Variants in EFR3B observed in about 807,000 individuals in gnomAD.
EFR3B encodes protein EFR3 homolog B.
Under a neutral mutation model 104.7 loss-of-function variants are expected in EFR3B, and 64 were observed. The observed-to-expected ratio is 0.61, with a 90% CI of 0.50 to 0.75. The LOEUF (loss-of-function observed/expected upper bound fraction) is 0.75. Ranked by LOEUF, EFR3B falls within the 30% of genes least tolerant of loss-of-function variation. The probability of loss-of-function intolerance (pLI) is 0.00; values close to 1 mark genes in which losing one functional copy is unlikely to be tolerated. For missense variants in EFR3B, 750 were observed against 1,078.5 expected, an observed-to-expected ratio of 0.70 and a Z score of 4.27; for synonymous variants, 385 against 417.9, an observed-to-expected ratio of 0.92 and a Z score of 0.96.
intron 1 of EFR3B, among the ~76,000 whole-genome samples, chr2:25,053,041 C>T (rs1367141583): frequency 6.6e-6 from 1 of 152,184 alleles, no homozygotes; most frequent in East Asian, 1.9e-4. Flanking sequence ...ACTCAGCCTC[C>T]TATCACACTG....
Position 25,042,721 on chromosome 2 carries a change from C to T in EFR3B, c.7+402C>T. The T allele has an allele frequency of 1.0e-6, 1 of 992,650 alleles. No homozygotes were observed. The highest frequency in any genetic ancestry group is 5.1e-4 in the Middle Eastern group (1 of 1,978). 61.5% of individuals were successfully genotyped at this position (992,650 alleles called of 1,614,324 possible). Reference sequence around the variant, plus strand: ...CCGGTCCAGGGCTGAGGGAGACGCCCGCGGCCGGTCGTCTGCGCGGCTCGG... The same window carrying T: ...CCGGTCCAGGGCTGAGGGAGACGCCTGCGGCCGGTCGTCTGCGCGGCTCGG... On this transcript the variant is annotated intron_variant, in intron 1 of 22. Transcript: ENST00000403714. This position sits in a 1 kb window ranked among gnomAD's most constrained non-coding sequence, Gnocchi z 5.4.
intron 2 of EFR3B, among the ~76,000 whole-genome samples, chr2:25,092,190 T>C (rs568881450): frequency 6.6e-6 from 1 of 151,744 alleles, no homozygotes; most frequent in South Asian, 2.1e-4. Context: ...TGCCTCAGCC[T>C]CCTGAGTAGC....
rs1670547142 is a variant in EFR3B, at chr2:25,137,420, A to G, written c.1640A>G (p.Tyr547Cys). The G allele has an allele frequency of 3.2e-6, 5 of 1,551,666 alleles. No homozygotes were observed. Among genetic ancestry groups the G allele is most frequent in the African/African-American group, 1.4e-5 (1 of 73,034 alleles). ...TNVQKHYEALYGLLALISIEL... is the reference protein window; with the variant it reads ...TNVQKHYEALCGLLALISIEL... ...GTGCAGAAACACTACGAGGCGCTCT[A>G]TGGCTTGCTGGCCCTCATCAGCATC... The change falls in exon 15 of 23, where the codon TAT (tyrosine) becomes TGT (cysteine). Residue 547 changes from tyrosine to cysteine, a missense_variant. Tyr to Cys is a radical substitution (Grantham distance 194). Transcript: ENST00000403714. The surrounding 1 kb of genome is among the most constrained non-coding windows in gnomAD (Gnocchi z 4.7).
intron 5 of EFR3B, among the ~76,000 whole-genome samples, chr2:25,127,861 C>A (rs920214825): frequency 3.9e-5 from 6 of 152,226 alleles, no homozygotes; most frequent in Non-Finnish European, 8.8e-5. Flanking sequence ...TGAGCTCTTA[C>A]ATCTTGGGCC....
intron 1 of EFR3B, among the ~76,000 whole-genome samples, chr2:25,059,789 C>A (rs954435157): frequency 6.8e-6 from 1 of 147,890 alleles, no homozygotes; most frequent in Non-Finnish European, 1.5e-5. Context: ...GCAGGAGAAT[C>A]GCTTGAACCC....
At chr2:25,091,228 G>C in intron 1 of EFR3B, 97 bp from the exon 2 acceptor site, 1 of 1,185,980 alleles carries the variant, frequency 8.4e-7, no homozygotes, top group Non-Finnish European at 1.2e-6. Context: ...CAGCCTGTCT[G>C]TTTCCTGCCA....
intron 4 of EFR3B, among the ~76,000 whole-genome samples, chr2:25,117,948 G>A (rs1669906814): frequency 6.6e-6 from 1 of 152,098 alleles, no homozygotes; most frequent in African/African-American, 2.4e-5. Context: ...GCTTCTGCAA[G>A]CTTGACATTT....
rs55917417 is a variant in EFR3B, at chr2:25,093,050, C to T, written c.132C>T (p.Leu44=). 6.4e-7 allele frequency: 1 copy of T among 1,550,438 alleles called. No individual in the cohort carries two copies. The highest frequency in any genetic ancestry group is 1.2e-5 in the South Asian group (1 of 84,062). Residue 44 remains leucine (L), a synonymous_variant, in exon 3 of 23, where the codon CTC becomes CTT. Coordinates refer to ENST00000403714, the MANE Select transcript of EFR3B (RefSeq NM_014971.2). ...TGGAGAAGCTGACCTTCTATGCCCT[C>T]TCAGCTCCAGAAAAACTTGATCGTA... ...TNMEKLTFYA[L]SAPEKLDRIG... is the part of the protein sequence containing the mutation.
At position 25,114,767 on chromosome 2, in the gene EFR3B, G is replaced by A. The variant is rs1180762352; in HGVS notation, c.364-6906G>A. Among the ~76,000 whole-genome samples the A allele has an allele frequency of 2.0e-5, 3 of 152,218 alleles. No homozygotes were observed. Among genetic ancestry groups the A allele is most frequent in the South Asian group, 2.1e-4 (1 of 4,832 alleles). ...CCCTAGCTTTTTCCCAAGGTTCTGC[G>A]AGAGCTTTCTTCCCCTGACCCTGCC... On this transcript the variant is annotated intron_variant, in intron 4 of 22. Coordinates refer to ENST00000403714, the MANE Select transcript of EFR3B (RefSeq NM_014971.2). The surrounding 1 kb of genome is among the most constrained non-coding windows in gnomAD (Gnocchi z 4.0).
intron 16 of EFR3B, among the ~76,000 whole-genome samples, chr2:25,140,367 G>A (rs1673499113): frequency 6.6e-6 from 1 of 151,966 alleles, no homozygotes; most frequent in South Asian, 2.1e-4. Flanking sequence ...AGAAAATTTA[G>A]GTCTTAACTA....
intron 1 of EFR3B, among the ~76,000 whole-genome samples, chr2:25,063,115 T>G (rs184429856): frequency 2.0e-5 from 3 of 151,292 alleles, no homozygotes; most frequent in African/African-American, 7.3e-5. Context: ...TTTTTTTGTA[T>G]TTTTAGTAGA....
At position 25,133,398 on chromosome 2, in the gene EFR3B, T is replaced by A. The variant is rs757475413; in HGVS notation, c.1275T>A (p.Arg425=). 6.4e-7 allele frequency: 1 copy of A among 1,552,386 alleles called. No individual in the cohort carries two copies. Among genetic ancestry groups the A allele is most frequent in the South Asian group, 1.2e-5 (1 of 84,054 alleles). The change falls in exon 12 of 23, where the codon CGT becomes CGA. Residue 425 remains arginine (R), a synonymous_variant. Transcript: ENST00000403714. ...DTGRTGENRN[R]LTQIMLLKSL... ...TGGTCTACAGGGAGAATAGGAACCG[T>A]CTGACCCAGATTATGCTGCTAAAAT... is the stretch of plus-strand genomic sequence containing the variant.
intron 1 of EFR3B, among the ~76,000 whole-genome samples, chr2:25,085,171 C>A (rs191089486): frequency 6.6e-6 from 1 of 152,114 alleles, no homozygotes; most frequent in Admixed American, 6.6e-5. Flanking sequence ...TTTTTCGATT[C>A]TTTGGCAAAT....
At chr2:25,096,166 C>G (rs1669271605) in intron 3 of EFR3B, among the ~76,000 whole-genome samples, 1 of 152,178 alleles carries the variant, frequency 6.6e-6, no homozygotes, top group Non-Finnish European at 1.5e-5. Flanking sequence ...CAGGCACGTG[C>G]CACCACACCT....
chr2:25,110,229 C>A (rs555141186), intron 4 of EFR3B, among the ~76,000 whole-genome samples: 3 of 152,202 alleles, frequency 2.0e-5, no homozygotes, highest in Admixed American at 2.0e-4. Context: ...CTCTGTCCAC[C>A]TGCCTTACCC....
At chr2:25,073,973 AT>A (rs958514912) in intron 1 of EFR3B, among the ~76,000 whole-genome samples, 33 of 152,198 alleles carry the variant, frequency 2.2e-4, no homozygotes, top group African/African-American at 7.9e-4. Flanking sequence ...TATTTTATTG[AT>A]TGTGCCTTTT....
At chr2:25,102,453 A>G (rs1331866136) in intron 3 of EFR3B, among the ~76,000 whole-genome samples, 1 of 152,180 alleles carries the variant, frequency 6.6e-6, no homozygotes, top group Non-Finnish European at 1.5e-5. Flanking sequence ...GACCTCAGGA[A>G]ACTTACAATC....
At chr2:25,059,118 T>C (rs1270024755) in intron 1 of EFR3B, among the ~76,000 whole-genome samples, 5 of 150,042 alleles carry the variant, frequency 3.3e-5, no homozygotes, top group Non-Finnish European at 7.4e-5. Flanking sequence ...GTGTTGATTT[T>C]TTTTTTTTTT....
At chr2:25,134,178 T>TA (rs1491187057) in intron 12 of EFR3B, among the ~76,000 whole-genome samples, 669 of 4,460 alleles carry the variant, frequency 0.15, 4 homozygotes, top group African/African-American at 0.25. Flanking sequence ...TCAGTTTATA[T>TA]TTTTTTTTTT....
Sources: gnomAD v4.1 joint callset for allele counts (sites outside exome capture counted in the v4.1 genomes callset) on GRCh38, gnomAD v4.1.1 for gene constraint, Gnocchi (gnomAD v3.1) non-coding constraint, MANE v1.5 for transcripts, NCBI Gene and HGNC (gene_info 2026-07-23, HGNC 2026-07-21) for gene names.